The following DGKH variants were observed in gnomAD, a reference collection of about 807,000 sequenced individuals.
DGKH encodes the protein diacylglycerol kinase eta, also known as DAG kinase eta.
DGKH carries 90 observed loss-of-function variants against 159.3 expected under a neutral mutation model. The observed-to-expected ratio is 0.57, with a 90% CI of 0.48 to 0.67. The LOEUF (loss-of-function observed/expected upper bound fraction) is 0.67. Ranked by LOEUF, DGKH falls within the 30% of genes least tolerant of loss-of-function variation. DGKH has a pLI of 0.00. For missense variants in DGKH, 1,181 were observed against 1,506.1 expected, an observed-to-expected ratio of 0.78 and a Z score of 3.57; for synonymous variants, 536 against 553.8, an observed-to-expected ratio of 0.97 and a Z score of 0.45.
At chr13:42,173,808 G>C (rs556626629) in intron 11 of DGKH, among the ~76,000 whole-genome samples, 2 of 152,086 alleles carry the variant, frequency 1.3e-5, no homozygotes, top group Non-Finnish European at 2.9e-5. Flanking sequence ...AAAACATTTG[G>C]AAGCCACTAA....
intron 16 of DGKH, 73 bp downstream of exon 16, chr13:42,190,598 A>G: frequency 7.0e-7 from 1 of 1,437,172 alleles, no homozygotes; most frequent in South Asian, 1.4e-5. Flanking sequence ...CAAAAGGCTG[A>G]TCAGTTTGAA....
At chr13:42,197,706 T>C (rs2138144900) in intron 17 of DGKH, among the ~76,000 whole-genome samples, 1 of 152,172 alleles carries the variant, frequency 6.6e-6, no homozygotes, top group African/African-American at 2.4e-5. Flanking sequence ...GTGAGACTCA[T>C]CTCTAAAAAA....
At chr13:42,132,499 T>C (rs1955308705) in intron 3 of DGKH, among the ~76,000 whole-genome samples, 1 of 152,206 alleles carries the variant, frequency 6.6e-6, no homozygotes, top group African/African-American at 2.4e-5. Flanking sequence ...GAGTAGGAAA[T>C]TATTCAAATC....
At chr13:42,181,740 G>A in intron 13 of DGKH, 2 of 778,002 alleles carry the variant, frequency 2.6e-6, no homozygotes, top group South Asian at 3.0e-5. Context: ...GCCAGCTGCA[G>A]TGGTTGCCAT....
At chr13:42,095,213 A>G (rs1462869821) in intron 1 of DGKH, among the ~76,000 whole-genome samples, 1 of 116,536 alleles carries the variant, frequency 8.6e-6, no homozygotes, top group Non-Finnish European at 1.6e-5. Context: ...CCCAGGCTGG[A>G]GTGCAGTGGT....
chr13:42,042,896 G>T (rs1880595690), intron 1 of DGKH, among the ~76,000 whole-genome samples: 1 of 152,080 alleles, frequency 6.6e-6, no homozygotes, highest in Non-Finnish European at 1.5e-5. Context: ...TCTTAAAAAA[G>T]ACAATTTATC....
intron 13 of DGKH, among the ~76,000 whole-genome samples, chr13:42,186,134 A>C (rs1956921018): frequency 6.6e-6 from 1 of 151,978 alleles, no homozygotes; most frequent in African/African-American, 2.4e-5. Context: ...CTACCAGAGA[A>C]AGTTGTGAGT....
chr13:42,161,904 G>T (rs1956191831), intron 7 of DGKH, among the ~76,000 whole-genome samples: 2 of 151,866 alleles, frequency 1.3e-5, no homozygotes, highest in South Asian at 2.1e-4. Context: ...AAAAAAATCA[G>T]TAGTTTTTAA....
At chr13:42,065,435 T>A (rs1347091163) in intron 1 of DGKH, among the ~76,000 whole-genome samples, 1 of 152,222 alleles carries the variant, frequency 6.6e-6, no homozygotes, top group Non-Finnish European at 1.5e-5. Flanking sequence ...GTTTGAGTAT[T>A]TGTGGTCTTA....
intron 3 of DGKH, among the ~76,000 whole-genome samples, chr13:42,135,491 G>C (rs75657506): frequency 0.13 from 8,201 of 63,374 alleles, 256 homozygotes; most frequent in Non-Finnish European, 0.14. Flanking sequence ...CCCTGTCTCA[G>C]AAAAAAAAAA....
At chr13:42,065,851 C>T (rs540592305) in intron 1 of DGKH, among the ~76,000 whole-genome samples, 1 of 152,134 alleles carries the variant, frequency 6.6e-6, no homozygotes. Flanking sequence ...TTGATGTACT[C>T]TTTAATTAGC....
At chr13:42,190,294 C>T in intron 15 of DGKH, 109 bp from the exon 16 acceptor site, 1 of 1,322,198 alleles carries the variant, frequency 7.6e-7, no homozygotes, top group Non-Finnish European at 1.0e-6. Flanking sequence ...ATTTGTGAAT[C>T]TGGAATTTTG....
At chr13:42,187,457 A>G (rs538398591) in intron 14 of DGKH, among the ~76,000 whole-genome samples, 1 of 152,118 alleles carries the variant, frequency 6.6e-6, no homozygotes, top group South Asian at 2.1e-4. Flanking sequence ...ACTCACTGCA[A>G]CCTTCACCTC....
intron 3 of DGKH, among the ~76,000 whole-genome samples, chr13:42,136,489 A>G (rs936861536): frequency 1.8e-4 from 28 of 152,246 alleles, no homozygotes; most frequent in Admixed American, 1.8e-3. Context: ...TGCTGTTCAA[A>G]TGACTGTTTT....
chr13:42,087,306 G>T (rs1398021880), intron 1 of DGKH, among the ~76,000 whole-genome samples: 1 of 152,112 alleles, frequency 6.6e-6, no homozygotes, highest in Non-Finnish European at 1.5e-5. Flanking sequence ...GAATTTAAGT[G>T]TATCCCACTA....
chr13:42,138,213 G>T (rs1282257834), intron 3 of DGKH: 8 of 657,554 alleles, frequency 1.2e-5, no homozygotes, highest in African/African-American at 2.0e-5. Context: ...CTTGATGTTT[G>T]TTGGGAATAG....
At chr13:42,042,959 A>G (rs1348440067) in intron 1 of DGKH, among the ~76,000 whole-genome samples, 2 of 152,238 alleles carry the variant, frequency 1.3e-5, no homozygotes, top group Admixed American at 6.5e-5. Context: ...ATTAGGGAAA[A>G]AAGTAGTGTT....
intron 3 of DGKH, among the ~76,000 whole-genome samples, chr13:42,148,944 C>CCT (rs1955808145): frequency 1.2e-5 from 1 of 80,102 alleles, no homozygotes. Context: ...CCCGCCCCTT[C>CCT]TTTTTTTTTT....
Position 42,159,263 on chromosome 13 carries a change from T to TTTTTTTTTTTTTTTTTA in DGKH, c.623-3_623-2insTTTTTTTTTTTTTTTTA. On this transcript the variant is annotated splice_polypyrimidine_tract_variant and splice_region_variant and intron_variant, in intron 5 of 29. Coordinates refer to ENST00000337343, the MANE Select transcript of DGKH (RefSeq NM_178009.5). ...GTTGCTCTTTTTTTTTTTTTTTTTT[T>TTTTTTTTTTTTTTTTTA]AGTGTGTAAATTCAAGGCTCACAAA... 1.4e-5 allele frequency: 18 copies of TTTTTTTTTTTTTTTTTA among 1,249,718 alleles called. No individual in the cohort carries two copies. Among genetic ancestry groups the TTTTTTTTTTTTTTTTTA allele is most frequent in the East Asian group, 2.5e-5 (1 of 40,086 alleles). 77.4% of individuals were successfully genotyped at this position (1,249,718 alleles called of 1,614,324 possible).
Sources: gnomAD v4.1 joint callset for allele counts (sites outside exome capture counted in the v4.1 genomes callset) on GRCh38, gnomAD v4.1.1 for gene constraint, MANE v1.5 for transcripts, NCBI Gene and HGNC (gene_info 2026-07-23, HGNC 2026-07-21) for gene names.